Variants in TNIK observed in about 807,000 individuals in gnomAD.
TNIK encodes the protein TRAF2 and NCK interacting kinase.
In TNIK, 49 loss-of-function variants were observed where a neutral mutation model predicts 191.3. The ratio of observed to expected loss-of-function variants is 0.26; its 90% CI spans 0.20 to 0.32. The LOEUF (loss-of-function observed/expected upper bound fraction) is 0.32. Ranked by LOEUF, TNIK falls within the 10% of genes least tolerant of loss-of-function variation. TNIK has a pLI of 1.00. For missense variants in TNIK, 1,155 were observed against 1,702.3 expected (o/e 0.68, Z 5.66); for synonymous variants, 594 against 600.9 (o/e 0.99, Z 0.17).
intron 2 of TNIK, among the ~76,000 whole-genome samples, chr3:171,346,706 T>G (rs1410935784): frequency 8.4e-6 from 1 of 118,562 alleles, no homozygotes; most frequent in Non-Finnish European, 1.7e-5. Flanking sequence ...ATGGAGTTAA[T>G]AACAGGAGAA....
chr3:171,404,857 T>G (rs1286707631), intron 1 of TNIK, among the ~76,000 whole-genome samples: 1 of 152,220 alleles, frequency 6.6e-6, no homozygotes, highest in East Asian at 1.9e-4. Context: ...CTGTGATGTT[T>G]ACTCTAGACA....
intron 2 of TNIK, among the ~76,000 whole-genome samples, chr3:171,258,859 A>G (rs1235878660): frequency 6.6e-6 from 1 of 152,162 alleles, no homozygotes; most frequent in Non-Finnish European, 1.5e-5. Flanking sequence ...AATCCCAGTA[A>G]CCAATTTAAT....
intron 7 of TNIK, among the ~76,000 whole-genome samples, chr3:171,183,003 A>G (rs1292855049): frequency 6.6e-6 from 1 of 152,250 alleles, no homozygotes. Context: ...AATGCAGTAC[A>G]TGCTGCATTG....
At chr3:171,145,321 C>T (rs910276098) in intron 12 of TNIK, among the ~76,000 whole-genome samples, 1 of 152,122 alleles carries the variant, frequency 6.6e-6, no homozygotes, top group African/African-American at 2.4e-5. Flanking sequence ...CTCCTGACCT[C>T]ATGATCCGCC....
chr3:171,272,414 G>A (rs1485854683), intron 2 of TNIK, among the ~76,000 whole-genome samples: 1 of 152,210 alleles, frequency 6.6e-6, no homozygotes, highest in Non-Finnish European at 1.5e-5. Flanking sequence ...TTGCTAAGGG[G>A]TCTTTCCTAA....
At chr3:171,311,462 C>T (rs935156116) in intron 2 of TNIK, among the ~76,000 whole-genome samples, 3 of 152,138 alleles carry the variant, frequency 2.0e-5, no homozygotes, top group Non-Finnish European at 4.4e-5. Flanking sequence ...GCATCCATCA[C>T]TTGTAGTACA....
At chr3:171,317,315 G>C (rs976913757) in intron 2 of TNIK, among the ~76,000 whole-genome samples, 2 of 152,072 alleles carry the variant, frequency 1.3e-5, no homozygotes, top group African/African-American at 4.8e-5. Flanking sequence ...GGAAGCACCA[G>C]GGACTCCATC....
chr3:171,356,431 T>C (rs543301436), intron 2 of TNIK, among the ~76,000 whole-genome samples: 8 of 152,316 alleles, frequency 5.3e-5, no homozygotes, highest in Non-Finnish European at 8.8e-5. Context: ...AGTGTCCCCA[T>C]TTACTAAGAA....
intron 16 of TNIK, 87 bp downstream of exon 16, chr3:171,128,627 A>G: frequency 1.4e-6 from 2 of 1,443,584 alleles, no homozygotes; most frequent in East Asian, 4.8e-5. Flanking sequence ...CTGTGCCTGA[A>G]TCCATGTTAC....
intron 17 of TNIK, 82 bp downstream of exon 17, chr3:171,125,830 C>T (rs1312722967): frequency 6.4e-7 from 1 of 1,552,992 alleles, no homozygotes; most frequent in Non-Finnish European, 8.7e-7. Context: ...ACATTCTCCA[C>T]TACTACGAAA....
chr3:171,263,189 A>G (rs1245951036), intron 2 of TNIK, among the ~76,000 whole-genome samples: 1 of 152,204 alleles, frequency 6.6e-6, no homozygotes, highest in Non-Finnish European at 1.5e-5. Context: ...GATTCTCACC[A>G]AGGCACCTTT....
chr3:171,190,683 G>T lies in TNIK; in HGVS notation c.508+14C>A. ...CTTCCTGCAATTCCAAGGCTCACAGGATTCTGCTCTTACCTAGTTTAACTT... is the reference window on the plus strand; with the variant it reads ...CTTCCTGCAATTCCAAGGCTCACAGTATTCTGCTCTTACCTAGTTTAACTT... On this transcript the variant is annotated intron_variant, in intron 6 of 32. Transcript: ENST00000436636. 6.4e-7 allele frequency: 1 copy of T among 1,570,472 alleles called. No individual in the cohort carries two copies. Among genetic ancestry groups the T allele is most frequent in the Non-Finnish European group, 8.7e-7 (1 of 1,154,302 alleles).
At chr3:171,262,577 T>C (rs75666575) in intron 2 of TNIK, among the ~76,000 whole-genome samples, 147 of 152,336 alleles carry the variant, frequency 9.6e-4, no homozygotes, top group Non-Finnish European at 1.8e-3. Flanking sequence ...GGAGTAGTTT[T>C]TCCTGGCTTC....
At chr3:171,250,918 AC>A (rs1230597917) in intron 2 of TNIK, among the ~76,000 whole-genome samples, 2 of 152,242 alleles carry the variant, frequency 1.3e-5, no homozygotes, top group African/African-American at 4.8e-5. Context: ...GGTGTCCCAG[AC>A]CACTGTCAAA....
chr3:171,305,733 C>A (rs985399186), intron 2 of TNIK, among the ~76,000 whole-genome samples: 1 of 152,126 alleles, frequency 6.6e-6, no homozygotes, highest in Non-Finnish European at 1.5e-5. Context: ...GGTGAGGTTG[C>A]ATGGAAAAGG....
At chr3:171,085,285 T>C (rs1721202547) in intron 24 of TNIK, 56 bp from the exon 25 acceptor site, 1 of 1,476,158 alleles carries the variant, frequency 6.8e-7, no homozygotes, top group African/African-American at 1.4e-5. Context: ...GGAATAACAA[T>C]GCTAACAATA....
chr3:171,269,582 C>T (rs1225111105), intron 2 of TNIK, among the ~76,000 whole-genome samples: 5 of 152,208 alleles, frequency 3.3e-5, no homozygotes, highest in African/African-American at 7.2e-5. Flanking sequence ...GCACTCAAAA[C>T]AGAACCACAG....
chr3:171,147,398 T>G (rs1029053533), intron 12 of TNIK, among the ~76,000 whole-genome samples: 4 of 152,184 alleles, frequency 2.6e-5, no homozygotes, highest in Non-Finnish European at 5.9e-5. Flanking sequence ...ATACTTGTGA[T>G]GAGAGGTATT....
intron 1 of TNIK, among the ~76,000 whole-genome samples, chr3:171,458,331 C>G (rs1729013671): frequency 6.6e-6 from 1 of 152,162 alleles, no homozygotes; most frequent in African/African-American, 2.4e-5. Flanking sequence ...ACCAACCCCA[C>G]CCCGCTGCGC....
Sources: gnomAD v4.1 joint callset for allele counts (sites outside exome capture counted in the v4.1 genomes callset) on GRCh38, gnomAD v4.1.1 for gene constraint, MANE v1.5 for transcripts, NCBI Gene and HGNC (gene_info 2026-07-23, HGNC 2026-07-21) for gene names.